Variants in DCLK1 observed in about 807,000 individuals in gnomAD.
DCLK1 encodes the protein serine/threonine-protein kinase DCLK1.
Under a neutral mutation model 86.2 loss-of-function variants are expected in DCLK1, and 16 were observed. That is an observed-to-expected ratio of 0.19 (90% CI 0.13 to 0.28). The LOEUF (loss-of-function observed/expected upper bound fraction) is 0.28. DCLK1 is among the 10% of genes least tolerant of loss of function. The pLI is 1.00. For missense variants in DCLK1, 590 were observed against 940.2 expected, an observed-to-expected ratio of 0.63 and a Z score of 4.87; for synonymous variants, 369 against 370.5, an observed-to-expected ratio of 1.00 and a Z score of 0.05.
At position 35,769,223 on chromosome 13, in the gene DCLK1, A is replaced by T. The variant is rs2086285387; in HGVS notation, c.*5312T>A. On this transcript the variant is annotated 3_prime_UTR_variant, in exon 17 of 17. Coordinates refer to ENST00000360631, the MANE Select transcript of DCLK1 (RefSeq NM_001330071.2). ...TTCATTAGGATTCTGAAAATCAAAG[A>T]TTAACCTATGCCATCTGATCCATGC... is the stretch of plus-strand genomic sequence containing the variant. 6.6e-6 allele frequency: 1 copy of T among 152,206 alleles called. No homozygotes were observed. The highest frequency in any genetic ancestry group is 2.1e-4 in the South Asian group (1 of 4,830). The allele number at this position is 152,206 out of a possible 1,614,324, so 9.4% of individuals were successfully genotyped here.
At chr13:35,950,138 T>C (rs1877587600) in intron 3 of DCLK1, among the ~76,000 whole-genome samples, 2 of 152,208 alleles carry the variant, frequency 1.3e-5, no homozygotes, top group Non-Finnish European at 2.9e-5. Flanking sequence ...AAGGTAGGTA[T>C]GGTCAGTAGA....
intron 3 of DCLK1, among the ~76,000 whole-genome samples, chr13:36,107,849 T>C (rs1448459245): frequency 6.6e-6 from 1 of 152,086 alleles, no homozygotes; most frequent in East Asian, 1.9e-4. Flanking sequence ...AAAAAATAGT[T>C]ATACTCCAAA....
chr13:35,796,886 C>T (rs747752204), intron 15 of DCLK1, among the ~76,000 whole-genome samples: 5 of 152,178 alleles, frequency 3.3e-5, no homozygotes, highest in Non-Finnish European at 7.3e-5. Context: ...AGGGGCTGAA[C>T]AAACCAGAGA....
intron 3 of DCLK1, among the ~76,000 whole-genome samples, chr13:36,029,295 G>A (rs897791668): frequency 6.6e-6 from 1 of 152,072 alleles, no homozygotes. Flanking sequence ...CATTTGCTTT[G>A]TAACATGAGT....
At chr13:35,842,183 C>A (rs185078443) in intron 6 of DCLK1, among the ~76,000 whole-genome samples, 181 of 132,446 alleles carry the variant, frequency 1.4e-3, no homozygotes, top group African/African-American at 4.8e-3. Context: ...GAGCCGAGAT[C>A]GCGCCACTGC....
intron 3 of DCLK1, among the ~76,000 whole-genome samples, chr13:36,063,565 T>C (rs58643326): frequency 0.023 from 3,505 of 152,280 alleles, 43 homozygotes; most frequent in South Asian, 0.06. Flanking sequence ...CAAAGAGACG[T>C]AAGAAGTATA....
chr13:35,838,877 A>G (rs1869588538), intron 7 of DCLK1, among the ~76,000 whole-genome samples: 1 of 152,110 alleles, frequency 6.6e-6, no homozygotes, highest in Admixed American at 6.6e-5. Context: ...AGGATGGGAA[A>G]TGTCTCCGAA....
chr13:36,112,214 T>C lies in DCLK1; in HGVS notation c.378A>G (p.Gly126=), dbSNP rs1214270382. The change falls in exon 3 of 17, where the codon GGA becomes GGG. Residue 126 remains glycine (G), a splice_region_variant and synonymous_variant. Coordinates refer to ENST00000360631, the MANE Select transcript of DCLK1 (RefSeq NM_001330071.2). ...KISSLDQLVE[G]ESYVCGSIEP... is the part of the protein sequence containing the mutation. ...CTATGGAGCCACATACATAACTCTC[T>C]CCTAAGGAAGAGAGAAATATATTTA... 2.6e-6 allele frequency: 4 copies of C among 1,557,116 alleles called. No individual in the cohort carries two copies. The highest frequency in any genetic ancestry group is 2.8e-5 in the African/African-American group (2 of 72,650).
At position 35,805,768 on chromosome 13, in the gene DCLK1, G is replaced by A. The variant is rs776535665; in HGVS notation, c.1875C>T (p.Thr625=). The change falls in exon 15 of 17, where the codon ACC becomes ACT. Residue 625 remains threonine, a synonymous_variant. Transcript: ENST00000360631. ...NVSDSAKELI[T]MMLLVDVDQR... ...GATCTACATCGACCAACAGCATCAT[G>A]GTAATGAGCTCCTGTGAAGGGGAAC... The A allele has an allele frequency of 9.9e-6, 16 of 1,613,436 alleles. No homozygotes were observed. In the African/African-American group the frequency reaches 1.1e-4, roughly 11 times the overall value.
intron 1 of DCLK1, among the ~76,000 whole-genome samples, chr13:36,128,306 A>C (rs1359498529): frequency 2.0e-5 from 3 of 152,178 alleles, no homozygotes; most frequent in African/African-American, 7.2e-5. Context: ...AATATTATTA[A>C]TATTCAGGTG....
intron 3 of DCLK1, among the ~76,000 whole-genome samples, chr13:36,100,512 G>A (rs1376582698): frequency 6.6e-6 from 1 of 152,202 alleles, no homozygotes; most frequent in Non-Finnish European, 1.5e-5. Context: ...CAGGGGCACT[G>A]TATCAACCAA....
At chr13:35,905,741 T>C (rs1010246315) in intron 4 of DCLK1, among the ~76,000 whole-genome samples, 10 of 151,900 alleles carry the variant, frequency 6.6e-5, no homozygotes, top group African/African-American at 2.4e-4. Context: ...AGATCAGGAG[T>C]TCGAGACCAG....
intron 4 of DCLK1, among the ~76,000 whole-genome samples, chr13:35,930,300 C>T (rs943221): frequency 0.17 from 25,515 of 152,178 alleles, 4,084 homozygotes; most frequent in African/African-American, 0.42. Flanking sequence ...CAAATAGGAA[C>T]AAAAACATAA....
At chr13:35,914,390 T>C (rs1875284411) in intron 4 of DCLK1, among the ~76,000 whole-genome samples, 1 of 133,302 alleles carries the variant, frequency 7.5e-6, no homozygotes, top group Admixed American at 7.5e-5. Context: ...TATATATATA[T>C]AAGCAAAATT....
chr13:36,059,803 G>T (rs529371408), intron 3 of DCLK1, among the ~76,000 whole-genome samples: 1 of 151,732 alleles, frequency 6.6e-6, no homozygotes, highest in South Asian at 2.1e-4. Flanking sequence ...ATACCCTAAA[G>T]CCTGAAGGAG....
chr13:35,880,534 G>A (rs1872826935), intron 4 of DCLK1, among the ~76,000 whole-genome samples: 1 of 152,180 alleles, frequency 6.6e-6, no homozygotes. Context: ...CTATTGAGAT[G>A]TGGGGATTTT....
Position 36,131,107 on chromosome 13 carries a change from C to G in DCLK1, c.-20+7G>C, listed in dbSNP as rs1287037082. On this transcript the variant is annotated splice_region_variant and intron_variant, in intron 1 of 16. Coordinates refer to ENST00000360631, the MANE Select transcript of DCLK1 (RefSeq NM_001330071.2). ...GCTCCCGTCCCCAGGGAAGGCAAAC[C>G]ACGCACCGGTCCGCGGAGAGACGCC... is the stretch of plus-strand genomic sequence containing the variant. The G allele has an allele frequency of 6.6e-6, 1 of 150,964 alleles. No individual in the cohort carries two copies. The highest frequency in any genetic ancestry group is 1.5e-5 in the Non-Finnish European group (1 of 67,514). The allele number at this position is 150,964 out of a possible 1,614,324, so 9.4% of individuals were successfully genotyped here. A position where few individuals can be genotyped will look rare whatever the true frequency, so the allele number is the denominator to read the frequency against.
rs149211827 is a variant in DCLK1 at position 35,937,454 on chromosome 13, A to G, written c.823+9904T>C. ...GGGAGGAGGGAGTGAGCAGGAGAGA[A>G]GTCATCAACCCTCCCCTTGTCCTGC... On this transcript the variant is annotated intron_variant, in intron 4 of 16. Transcript: ENST00000360631. 1.9e-3 allele frequency among the ~76,000 whole-genome samples: 294 copies of G among 152,264 alleles called. 1 individual carries two copies. The highest frequency in any genetic ancestry group is 6.6e-3 in the African/African-American group (276 of 41,556).
intron 15 of DCLK1, among the ~76,000 whole-genome samples, chr13:35,794,378 C>A (rs756416671): frequency 6.6e-6 from 1 of 151,000 alleles, no homozygotes; most frequent in Non-Finnish European, 1.5e-5. Flanking sequence ...AAAAGAAACT[C>A]CTGGCAATCA....
Sources: allele counts gnomAD v4.1 joint callset (sites outside exome capture counted in the v4.1 genomes callset), GRCh38; gene constraint gnomAD v4.1.1; transcripts MANE v1.5; gene names NCBI Gene and HGNC (gene_info 2026-07-23, HGNC 2026-07-21).